Variants in SHOC1 observed in about 807,000 individuals in gnomAD.
The protein encoded by SHOC1 is protein shortage in chiasmata 1 ortholog.
A neutral mutation model predicts 179.2 loss-of-function variants in SHOC1; 136 were observed. The observed-to-expected ratio is 0.76, with a 90% CI of 0.66 to 0.87. The LOEUF (loss-of-function observed/expected upper bound fraction) is 0.87, where lower values mean the gene tolerates loss of function less well. SHOC1 is among the 40% of genes least tolerant of loss of function. The probability of loss-of-function intolerance (pLI) is 0.00; values close to 1 mark genes in which losing one functional copy is unlikely to be tolerated. For missense variants in SHOC1, 1,538 were observed against 1,700.8 expected, an observed-to-expected ratio of 0.90 and a Z score of 1.68; for synonymous variants, 489 against 586.6, an observed-to-expected ratio of 0.83 and a Z score of 2.41.
intron 5 of SHOC1, among the ~76,000 whole-genome samples, chr9:111,765,979 T>G (rs1380071411): frequency 9.2e-5 from 14 of 152,088 alleles, no homozygotes. Context: ...CCGTGCCTAG[T>G]CCATCTTTAC....
chr9:111,718,597 C>T (rs1272654533), intron 15 of SHOC1, among the ~76,000 whole-genome samples: 6 of 152,128 alleles, frequency 3.9e-5, no homozygotes, highest in African/African-American at 1.4e-4. Flanking sequence ...GCCCTTGTTG[C>T]TTCCAAAGAA....
intron 10 of SHOC1, among the ~76,000 whole-genome samples, chr9:111,742,358 C>T (rs1834082295): frequency 1.3e-5 from 2 of 152,126 alleles, no homozygotes; most frequent in African/African-American, 2.4e-5. Context: ...CCTCTACTGG[C>T]TGAGGATCAG....
intron 15 of SHOC1, among the ~76,000 whole-genome samples, chr9:111,720,984 T>C (rs1011239716): frequency 6.6e-6 from 1 of 152,202 alleles, no homozygotes. Flanking sequence ...ATGCCAGACA[T>C]TGTGACTGTT....
chr9:111,740,542 A>T (rs1341154238), intron 11 of SHOC1, among the ~76,000 whole-genome samples: 1 of 152,210 alleles, frequency 6.6e-6, no homozygotes, highest in Non-Finnish European at 1.5e-5. Context: ...CCTCAAAATT[A>T]TTTTGTTAAA....
chr9:111,728,773 A>T (rs1297988679), intron 12 of SHOC1, among the ~76,000 whole-genome samples: 2 of 152,186 alleles, frequency 1.3e-5, no homozygotes, highest in African/African-American at 4.8e-5. Context: ...GGCTTATATT[A>T]AAAACCATGG....
chr9:111,790,825 C>A (rs1261260277), intron 2 of SHOC1, among the ~76,000 whole-genome samples: 1 of 152,094 alleles, frequency 6.6e-6, no homozygotes, highest in Non-Finnish European at 1.5e-5. Context: ...GGATTACAGG[C>A]GTGAGCCACC....
intron 18 of SHOC1, 52 bp downstream of exon 18, chr9:111,713,048 T>C: frequency 8.8e-7 from 1 of 1,133,492 alleles, no homozygotes; most frequent in Non-Finnish European, 1.3e-6. Flanking sequence ...CAATACACTT[T>C]TATAAGTTCA....
chr9:111,771,109 G>C (rs1589462746), intron 5 of SHOC1, among the ~76,000 whole-genome samples: 1 of 151,840 alleles, frequency 6.6e-6, no homozygotes, highest in South Asian at 2.1e-4. Flanking sequence ...TGTCTTCTTT[G>C]GTGGTTACTT....
At chr9:111,747,873 C>T (rs1228681548) in intron 9 of SHOC1, among the ~76,000 whole-genome samples, 1 of 152,160 alleles carries the variant, frequency 6.6e-6, no homozygotes, top group African/African-American at 2.4e-5. Flanking sequence ...GCGTGAACCA[C>T]CGCACTAGGC....
At chr9:111,749,436 CTTCT>C (rs1322387829) in intron 8 of SHOC1, among the ~76,000 whole-genome samples, 20 of 152,126 alleles carry the variant, frequency 1.3e-4, no homozygotes, top group African/African-American at 4.3e-4. Context: ...TTGCTTTGCT[CTTCT>C]TTATTTCCAC....
At chr9:111,744,416 T>G (rs1005868215) in intron 10 of SHOC1, among the ~76,000 whole-genome samples, 13 of 152,208 alleles carry the variant, frequency 8.5e-5, no homozygotes, top group African/African-American at 2.9e-4. Flanking sequence ...ACTCTAGAAA[T>G]GTAAATAATT....
Position 111,705,370 on chromosome 9 carries a change from T to TA in SHOC1, c.2738-7dup. The TA allele has an allele frequency of 7.2e-7, 1 of 1,393,804 alleles. No homozygotes were observed. Among genetic ancestry groups the TA allele is most frequent in the Non-Finnish European group, 9.6e-7 (1 of 1,036,618 alleles). 86.3% of individuals were successfully genotyped at this position (1,393,804 alleles called of 1,614,324 possible). A position where few individuals can be genotyped will look rare whatever the true frequency, so the allele number is the denominator to read the frequency against. ...TCTATCCAGCAAGGTGCTTCCTAAATAAGAGAAAATTTATAAATATTTCTC... is the reference window on the plus strand; with the variant it reads ...TCTATCCAGCAAGGTGCTTCCTAAATAAAGAGAAAATTTATAAATATTTCTC... On this transcript the variant is annotated splice_region_variant and splice_polypyrimidine_tract_variant and intron_variant, in intron 20 of 27. Coordinates refer to ENST00000682961, the MANE Select transcript of SHOC1 (RefSeq NM_001378211.1).
chr9:111,793,173 C>T (rs1432991757), intron 1 of SHOC1, among the ~76,000 whole-genome samples: 16 of 152,170 alleles, frequency 1.1e-4, no homozygotes, highest in Admixed American at 8.5e-4. Context: ...TGAGCCACCG[C>T]GCCCGGCCTG....
Position 111,727,876 on chromosome 9 carries a change from T to C in SHOC1, c.1591A>G (p.Lys531Glu). 1 of 1,612,888 alleles carries C rather than the reference T, an allele frequency of 6.2e-7. No homozygotes were observed. Among genetic ancestry groups the C allele is most frequent in the East Asian group, 2.2e-5 (1 of 44,776 alleles). Residue 531 changes from lysine to glutamate, a missense_variant, in exon 13 of 28, where the codon AAG (lysine) becomes GAG (glutamate). By Grantham distance (56) the Lys-to-Glu change is moderately conservative (BLOSUM62 1). Transcript: ENST00000682961. ...CTGTTTACTGGTTCTTGGTCATTCT[T>C]TGGTTTTTCTTCTTTTGCTGCTCCT... ...DKGAAKEEKP[K>E]NDQEPVNRII...
intron 15 of SHOC1, among the ~76,000 whole-genome samples, chr9:111,718,860 CGATAGACTG>C (rs1832916706): frequency 6.6e-6 from 1 of 152,032 alleles, no homozygotes; most frequent in African/African-American, 2.4e-5. Context: ...CTTTTTTGGA[CGATAGACTG>C]GATTTTTCTG....
intron 1 of SHOC1, among the ~76,000 whole-genome samples, chr9:111,793,834 A>T (rs1251387857): frequency 6.6e-6 from 1 of 152,090 alleles, no homozygotes; most frequent in Non-Finnish European, 1.5e-5. Context: ...GATGATGATG[A>T]TGATGATGAT....
Position 111,741,564 on chromosome 9 carries a change from C to G in SHOC1, c.1086G>C (p.Leu362Phe). ...FPLSPVCKINLLTAEESANEY... is the reference protein window; with the variant it reads ...FPLSPVCKINFLTAEESANEY... ...CATTAGCTGATTCTTCAGCAGTAAGCAAATTACTGAAAAAAAGAGTTAAAG... is the reference window on the plus strand; with the variant it reads ...CATTAGCTGATTCTTCAGCAGTAAGGAAATTACTGAAAAAAAGAGTTAAAG... Residue 362 changes from leucine to phenylalanine, a missense_variant, in exon 11 of 28, where the codon TTG (leucine) becomes TTC (phenylalanine). Leu to Phe is a conservative substitution (Grantham distance 22). Transcript: ENST00000682961. 1.3e-6 allele frequency: 2 copies of G among 1,584,352 alleles called. No individual in the cohort carries two copies. Among genetic ancestry groups the G allele is most frequent in the Non-Finnish European group, 1.7e-6 (2 of 1,160,580 alleles).
Position 111,748,167 on chromosome 9 carries a change from C to T in SHOC1, c.895G>A (p.Gly299Arg), listed in dbSNP as rs375607309. The change falls in exon 9 of 28, where the codon GGG becomes AGG. Residue 299 changes from glycine to arginine, a missense_variant. Coordinates refer to ENST00000682961, the MANE Select transcript of SHOC1 (RefSeq NM_001378211.1). ...TCTGTGGAGCTGAATTTTATATCCC[C>T]GATATCCTCAATTCCATGCTTGTTA... is the stretch of plus-strand genomic sequence containing the variant. ...LTNKHGIEDI[G>R]DIKFSSTEIL... 1.5e-5 allele frequency: 25 copies of T among 1,613,232 alleles called. No homozygotes were observed. Among genetic ancestry groups the T allele is most frequent in the East Asian group, 8.9e-5 (4 of 44,836 alleles).
intron 6 of SHOC1, 49 bp from the exon 7 acceptor site, chr9:111,758,244 C>G (rs186995543): frequency 1.9e-5 from 18 of 966,226 alleles, no homozygotes; most frequent in Admixed American, 1.4e-4. Context: ...AAGTTACATA[C>G]TAAATGTAGC....
Sources: allele counts gnomAD v4.1 joint callset (sites outside exome capture counted in the v4.1 genomes callset), GRCh38; gene constraint gnomAD v4.1.1; transcripts MANE v1.5; gene names NCBI Gene and HGNC (gene_info 2026-07-23, HGNC 2026-07-21).